The following SCML4 variants were observed in gnomAD, a reference collection of about 807,000 sequenced individuals.
SCML4 encodes sex comb on midleg-like protein 4.
Under a neutral mutation model 41.1 loss-of-function variants are expected in SCML4, and 34 were observed. The ratio of observed to expected loss-of-function variants is 0.83; its 90% CI spans 0.63 to 1.10. The LOEUF (loss-of-function observed/expected upper bound fraction) is 1.10. SCML4 is among the 50% of genes least tolerant of loss of function. The probability of loss-of-function intolerance (pLI) is 0.00; values close to 1 mark genes in which losing one functional copy is unlikely to be tolerated. For missense variants in SCML4, 522 were observed against 534.1 expected, an observed-to-expected ratio of 0.98 and a Z score of 0.22; for synonymous variants, 214 against 220.9, an observed-to-expected ratio of 0.97 and a Z score of 0.28.
chr6:107,768,141 C>T (rs1004560371), intron 2 of SCML4, among the ~76,000 whole-genome samples: 3 of 151,148 alleles, frequency 2.0e-5, no homozygotes, highest in Non-Finnish European at 4.4e-5. Context: ...GGCATGGTGA[C>T]GTGCATCTGT....
chr6:107,814,310 G>A (rs1223919419), intron 1 of SCML4, among the ~76,000 whole-genome samples: 1 of 152,176 alleles, frequency 6.6e-6, no homozygotes, highest in Non-Finnish European at 1.5e-5. Context: ...CTGGAAAAAA[G>A]GTGTGAGTTT....
intron 1 of SCML4, among the ~76,000 whole-genome samples, chr6:107,805,764 T>C (rs908950689): frequency 1.3e-5 from 2 of 152,170 alleles, no homozygotes; most frequent in African/African-American, 4.8e-5. Context: ...CCCTCAGATC[T>C]AAGAGCACAA....
At chr6:107,744,548 A>C (rs1055625651) in intron 5 of SCML4, among the ~76,000 whole-genome samples, 3 of 152,162 alleles carry the variant, frequency 2.0e-5, no homozygotes, top group Admixed American at 2.0e-4. Flanking sequence ...CTATAGCTCT[A>C]GTTTCTTTGG....
chr6:107,844,955 G>C, the SCML4 span, among the ~76,000 whole-genome samples: 3 of 143,802 alleles, frequency 2.1e-5, no homozygotes, highest in African/African-American at 8.2e-5. Flanking sequence ...AAAAAAAAAG[G>C]CCTGGCATGG....
At position 107,720,729 on chromosome 6, in the gene SCML4, G is replaced by A. The variant is rs146474518; in HGVS notation, c.947C>T (p.Thr316Met). ...RPPASSPKRN[T>M]TSLEGNRCAS... ...ACATCTGTTTCCTTCAAGAGAGGTC[G>A]TGTTTCTCTTGGGGCTGGAGGCTGG... The change falls in exon 6 of 8, where the codon ACG (threonine) becomes ATG (methionine). Residue 316 changes from threonine to methionine, a missense_variant. Transcript: ENST00000369020. 108 of 1,577,354 alleles carry A rather than the reference G, an allele frequency of 6.8e-5. No individual in the cohort carries two copies. In the African/African-American group the frequency reaches 7.9e-4, roughly 12 times the overall value.
intron 1 of SCML4, among the ~76,000 whole-genome samples, chr6:107,815,447 T>C (rs1784494135): frequency 6.6e-6 from 1 of 152,258 alleles, no homozygotes; most frequent in Non-Finnish European, 1.5e-5. Context: ...TTACACTTTA[T>C]TTTCCAGGAA....
intron 2 of SCML4, among the ~76,000 whole-genome samples, chr6:107,751,641 TCTTTC>T (rs1338637152): frequency 4.3e-5 from 6 of 140,416 alleles, no homozygotes; most frequent in African/African-American, 1.6e-4. Flanking sequence ...TTTCTTTCTT[TCTTTC>T]TTTTTTGAGA....
the SCML4 span, among the ~76,000 whole-genome samples, chr6:107,840,015 T>A: frequency 6.6e-6 from 1 of 152,364 alleles, no homozygotes; most frequent in Non-Finnish European, 1.5e-5. Context: ...TGCTTTTTAC[T>A]CATAATAAAA....
chr6:107,839,368 G>A, the SCML4 span, among the ~76,000 whole-genome samples: 16,588 of 52,200 alleles, frequency 0.32, 1,604 homozygotes, highest in East Asian at 0.4. Context: ...AAAGAAAGAA[G>A]GAAAGAAAGA....
the SCML4 span, among the ~76,000 whole-genome samples, chr6:107,841,275 C>G: frequency 6.6e-6 from 1 of 152,224 alleles, no homozygotes; most frequent in Non-Finnish European, 1.5e-5. Flanking sequence ...GCCTGGCCAA[C>G]ACTGGAAGAC....
chr6:107,799,314 C>T (rs1782934597), intron 1 of SCML4, among the ~76,000 whole-genome samples: 1 of 151,860 alleles, frequency 6.6e-6, no homozygotes, highest in African/African-American at 2.4e-5. Flanking sequence ...TATGAGTGTC[C>T]CTCTTTATTT....
At chr6:107,718,873 A>AAGAGGAT (rs1408111353) in intron 6 of SCML4, 1 of 152,178 alleles carries the variant, frequency 6.6e-6, no homozygotes, top group African/African-American at 2.4e-5. Flanking sequence ...GGCTGAGGAG[A>AAGAGGAT]AGAGGATGAG....
At chr6:107,778,264 T>C (rs1272684947) in intron 1 of SCML4, among the ~76,000 whole-genome samples, 4 of 123,602 alleles carry the variant, frequency 3.2e-5, no homozygotes, top group Admixed American at 8.8e-5. Flanking sequence ...TATATATATA[T>C]AACTTGAGAA....
chr6:107,838,686 G>A, the SCML4 span, among the ~76,000 whole-genome samples: 1 of 152,262 alleles, frequency 6.6e-6, no homozygotes, highest in Non-Finnish European at 1.5e-5. Context: ...AAACAAAGAG[G>A]TAAGGGAGTG....
chr6:107,743,039 G>C (rs376781842), intron 5 of SCML4, among the ~76,000 whole-genome samples: 31 of 152,300 alleles, frequency 2.0e-4, no homozygotes, highest in East Asian at 5.8e-4. Flanking sequence ...TCCACTGTAG[G>C]GGGGATGGAG....
intron 5 of SCML4, among the ~76,000 whole-genome samples, chr6:107,738,705 G>T (rs1441655981): frequency 2.0e-5 from 3 of 152,072 alleles, no homozygotes; most frequent in African/African-American, 7.2e-5. Flanking sequence ...AAGGGAAGAG[G>T]TCTTGCTTCT....
intron 5 of SCML4, among the ~76,000 whole-genome samples, chr6:107,727,010 T>TATC (rs1776051723): frequency 6.6e-6 from 1 of 152,218 alleles, no homozygotes. Flanking sequence ...CTCAAGTGGC[T>TATC]ATCAACGAAT....
intron 6 of SCML4, among the ~76,000 whole-genome samples, chr6:107,709,288 G>A (rs538286665): frequency 6.6e-6 from 1 of 152,174 alleles, no homozygotes; most frequent in Non-Finnish European, 1.5e-5. Flanking sequence ...TGGTGCCAGA[G>A]AGACCTAGGG....
At chr6:107,797,002 C>G (rs180716568) in intron 1 of SCML4, among the ~76,000 whole-genome samples, 1 of 152,020 alleles carries the variant, frequency 6.6e-6, no homozygotes, top group African/African-American at 2.4e-5. Context: ...TATTTCTGAA[C>G]GCTTGATTCT....
Sources: allele counts gnomAD v4.1 joint callset (sites outside exome capture counted in the v4.1 genomes callset), GRCh38; gene constraint gnomAD v4.1.1; transcripts MANE v1.5; gene names NCBI Gene and HGNC (gene_info 2026-07-23, HGNC 2026-07-21).